Variants in KIAA1217 observed in about 807,000 individuals in gnomAD.
KIAA1217 encodes the protein sickle tail protein homolog.
KIAA1217 carries 88 observed loss-of-function variants against 163.9 expected under a neutral mutation model. That is an observed-to-expected ratio of 0.54 (90% CI 0.45 to 0.64). The LOEUF (loss-of-function observed/expected upper bound fraction) is 0.64, where lower values mean the gene tolerates loss of function less well. KIAA1217 is among the 30% of genes least tolerant of loss of function. The probability of loss-of-function intolerance (pLI) is 0.00; values close to 1 mark genes in which losing one functional copy is unlikely to be tolerated. For missense variants in KIAA1217, 2,372 were observed against 2,475.0 expected (o/e 0.96, Z 0.88); for synonymous variants, 903 against 923.1 (o/e 0.98, Z 0.39).
intron 1 of KIAA1217, among the ~76,000 whole-genome samples, chr10:23,988,547 G>C (rs1846080217): frequency 6.6e-6 from 1 of 152,070 alleles, no homozygotes; most frequent in South Asian, 2.1e-4. Context: ...TGTGGTTGGA[G>C]CATCAGAGAA....
At chr10:23,882,849 TA>T (rs1380735144) in intron 1 of KIAA1217, among the ~76,000 whole-genome samples, 1 of 151,858 alleles carries the variant, frequency 6.6e-6, no homozygotes. Context: ...GAAAATGGGT[TA>T]AAAAATGGAA....
At chr10:23,969,165 G>A (rs1346858114) in intron 1 of KIAA1217, among the ~76,000 whole-genome samples, 2 of 152,134 alleles carry the variant, frequency 1.3e-5, no homozygotes, top group Non-Finnish European at 2.9e-5. Context: ...CTCCCAAGTA[G>A]CTGGGATTAC....
chr10:23,887,150 G>C (rs1313036979), intron 1 of KIAA1217, among the ~76,000 whole-genome samples: 1 of 151,850 alleles, frequency 6.6e-6, no homozygotes, highest in Admixed American at 6.6e-5. Flanking sequence ...CTGAAACTCA[G>C]TTTCCCAAAT....
At chr10:24,445,429 C>T (rs566754152) in intron 5 of KIAA1217, among the ~76,000 whole-genome samples, 8 of 151,816 alleles carry the variant, frequency 5.3e-5, no homozygotes, top group Admixed American at 2.0e-4. Flanking sequence ...ATGTGCACAA[C>T]GTGCAGGTTT....
chr10:23,852,507 T>C (rs1197043745), intron 1 of KIAA1217, among the ~76,000 whole-genome samples: 1 of 152,190 alleles, frequency 6.6e-6, no homozygotes, highest in East Asian at 1.9e-4. Flanking sequence ...GGCTCTTTTT[T>C]GGTTCCATAT....
At chr10:24,133,096 A>T (rs1363541576) in intron 2 of KIAA1217, among the ~76,000 whole-genome samples, 1 of 151,912 alleles carries the variant, frequency 6.6e-6, no homozygotes, top group Admixed American at 6.6e-5. Context: ...GAACCTCAGG[A>T]GAGAAAACCT....
At chr10:24,331,328 G>A (rs2045640738) in intron 2 of KIAA1217, among the ~76,000 whole-genome samples, 1 of 152,190 alleles carries the variant, frequency 6.6e-6, no homozygotes, top group African/African-American at 2.4e-5. Context: ...GGCAGGAGTT[G>A]GATAAGCATT....
At chr10:23,910,589 T>C (rs892818943) in intron 1 of KIAA1217, among the ~76,000 whole-genome samples, 1 of 152,058 alleles carries the variant, frequency 6.6e-6, no homozygotes, top group South Asian at 2.1e-4. Flanking sequence ...TGAAAAGAAA[T>C]AAAATACTCT....
intron 1 of KIAA1217, among the ~76,000 whole-genome samples, chr10:23,779,133 G>C (rs1317455037): frequency 2.0e-5 from 3 of 152,062 alleles, no homozygotes; most frequent in Non-Finnish European, 2.9e-5. Context: ...GATATGATGA[G>C]TATCTATAAC....
intron 3 of KIAA1217, among the ~76,000 whole-genome samples, chr10:24,388,620 G>A (rs1280217426): frequency 1.3e-5 from 2 of 152,028 alleles, no homozygotes; most frequent in African/African-American, 2.4e-5. Flanking sequence ...GAGTGAACAG[G>A]CAACCTACAG....
intron 1 of KIAA1217, among the ~76,000 whole-genome samples, chr10:23,947,990 C>T (rs1315831416): frequency 6.6e-6 from 1 of 152,178 alleles, no homozygotes; most frequent in Non-Finnish European, 1.5e-5. Context: ...GGCTCAGAAA[C>T]GTGTCTTCCA....
intron 3 of KIAA1217, among the ~76,000 whole-genome samples, chr10:24,389,059 A>G (rs2054456222): frequency 6.6e-6 from 1 of 152,314 alleles, no homozygotes; most frequent in East Asian, 1.9e-4. Flanking sequence ...TACTGGGCAT[A>G]TATCCAAAGG....
chr10:24,108,465 T>G (rs752886463), intron 2 of KIAA1217, among the ~76,000 whole-genome samples: 14 of 152,230 alleles, frequency 9.2e-5, no homozygotes, highest in Admixed American at 2.6e-4. Flanking sequence ...TCTTGGAATT[T>G]ACTGCCCAGA....
chr10:23,990,453 T>C (rs1846171276), intron 1 of KIAA1217, among the ~76,000 whole-genome samples: 1 of 152,212 alleles, frequency 6.6e-6, no homozygotes, highest in African/African-American at 2.4e-5. Flanking sequence ...AATAATCTTT[T>C]TTTAATGAGG....
intron 1 of KIAA1217, among the ~76,000 whole-genome samples, chr10:23,981,648 G>A (rs12260418): frequency 0.047 from 7,206 of 152,076 alleles, 569 homozygotes; most frequent in African/African-American, 0.16. Context: ...GCCTGGAGTC[G>A]GCTCTATTTT....
chr10:23,896,357 G>T (rs767898474), intron 1 of KIAA1217, among the ~76,000 whole-genome samples: 1 of 151,926 alleles, frequency 6.6e-6, no homozygotes, highest in African/African-American at 2.4e-5. Flanking sequence ...TGGCATTCAC[G>T]CATCACACGC....
chr10:23,798,258 C>T (rs936234815), intron 1 of KIAA1217, among the ~76,000 whole-genome samples: 6 of 152,108 alleles, frequency 3.9e-5, no homozygotes, highest in East Asian at 1.9e-4. Context: ...CAGAGCTTAC[C>T]CTCGATGGAA....
At chr10:24,273,772 G>A (rs1474611319) in intron 2 of KIAA1217, among the ~76,000 whole-genome samples, 3 of 150,800 alleles carry the variant, frequency 2.0e-5, no homozygotes, top group African/African-American at 7.3e-5. Context: ...AGAATCGCCT[G>A]AGCACACGAG....
chr10:24,406,691 A>G (rs961877312), intron 3 of KIAA1217, among the ~76,000 whole-genome samples: 1 of 152,198 alleles, frequency 6.6e-6, no homozygotes, highest in South Asian at 2.1e-4. Flanking sequence ...TAAGATGACT[A>G]TAGAGAATAT....
Sources: allele counts gnomAD v4.1 joint callset (sites outside exome capture counted in the v4.1 genomes callset), GRCh38; gene constraint gnomAD v4.1.1; transcripts MANE v1.5; gene names NCBI Gene and HGNC (gene_info 2026-07-23, HGNC 2026-07-21).